The following UBR4 variants were observed in gnomAD, a reference collection of about 807,000 sequenced individuals.
UBR4 encodes the protein E3 ubiquitin-protein ligase UBR4.
UBR4 carries 124 observed loss-of-function variants against 575.6 expected under a neutral mutation model. The ratio of observed to expected loss-of-function variants is 0.22; its 90% CI spans 0.19 to 0.25. The LOEUF is 0.25. Among genes scored for constraint, UBR4 ranks in the 10% least tolerant of loss-of-function variants. The pLI, the probability that UBR4 is intolerant of heterozygous loss-of-function variation, is 1.00. For missense variants in UBR4, 4,818 were observed against 6,478.8 expected (o/e 0.74, Z 8.80); for synonymous variants, 2,455 against 2,473.7 (o/e 0.99, Z 0.22).
intron 11 of UBR4, among the ~76,000 whole-genome samples, chr1:19,188,541 G>A (rs1185624295): frequency 6.6e-6 from 1 of 152,236 alleles, no homozygotes; most frequent in East Asian, 1.9e-4. Flanking sequence ...GCGATAGAGT[G>A]AGGTTTTGTT....
chr1:19,157,030 T>C lies in UBR4; in HGVS notation c.5761-105A>G. 1 of 1,314,030 alleles carries C rather than the reference T, an allele frequency of 7.6e-7. No individual in the cohort carries two copies. Among genetic ancestry groups the C allele is most frequent in the Non-Finnish European group, 1.0e-6 (1 of 971,500 alleles). 81.4% of individuals were successfully genotyped at this position (1,314,030 alleles called of 1,614,324 possible). ...ATAGGGATAACAGGTTGCACACTTT[T>C]TTCTTTACAGATAAGTCTAGTAGAA... On this transcript the variant is annotated intron_variant, in intron 40 of 105. Coordinates refer to ENST00000375254, the MANE Select transcript of UBR4 (RefSeq NM_020765.3). The surrounding 1 kb of genome is among the most constrained non-coding windows in gnomAD (Gnocchi z 4.4).
At chr1:19,143,917 G>C in intron 55 of UBR4, 63 bp downstream of exon 55, 1 of 1,487,490 alleles carries the variant, frequency 6.7e-7, no homozygotes, top group Non-Finnish European at 9.4e-7. Context: ...CAATGCTACT[G>C]TACCTCCCTC....
At position 19,169,524 on chromosome 1, in the gene UBR4, G is replaced by C. The variant is rs199864764; in HGVS notation, c.3652C>G (p.Leu1218Val). 1.9e-6 allele frequency: 3 copies of C among 1,613,376 alleles called. No homozygotes were observed. The highest frequency in any genetic ancestry group is 1.3e-5 in the African/African-American group (1 of 74,906). Residue 1218 changes from leucine to valine, a missense_variant, in exon 27 of 106, where the codon CTG becomes GTG. Physicochemically the swap from Leu to Val is conservative, Grantham distance 32 (BLOSUM62 1). This residue lies in a region of UBR4 where 1,172 missense variants were observed against 1,259.7 expected (regional missense o/e 0.93). Coordinates refer to ENST00000375254, the MANE Select transcript of UBR4 (RefSeq NM_020765.3). Reference sequence around the variant, plus strand: ...ACTGACGATGGCAAATTCTGAACCAGTGTCGGACCTGGAGGCGACAGAAAG... The same window carrying C: ...ACTGACGATGGCAAATTCTGAACCACTGTCGGACCTGGAGGCGACAGAAAG... Reference protein sequence around the residue: ...RCKANTLGPTLVQNLPSSVQT... With the variant: ...RCKANTLGPTVVQNLPSSVQT...
intron 91 of UBR4, 32 bp from the exon 92 acceptor site, chr1:19,096,682 AG>A: frequency 6.2e-7 from 1 of 1,612,074 alleles, no homozygotes; most frequent in Non-Finnish European, 8.5e-7. Flanking sequence ...GCAGAAATGG[AG>A]GGTAAGGTGA....
At chr1:19,119,789 C>T in intron 69 of UBR4, 88 bp from the exon 70 acceptor site, 1 of 1,493,220 alleles carries the variant, frequency 6.7e-7, no homozygotes. Flanking sequence ...ACCTCAATTT[C>T]CCCACAATTA....
chr1:19,115,680 C>T (rs761205318), intron 73 of UBR4, 43 bp from the exon 74 acceptor site: 3 of 1,605,924 alleles, frequency 1.9e-6, no homozygotes, highest in Non-Finnish European at 1.7e-6. Context: ...ATCTAACCCT[C>T]AGTGATAACA....
intron 26 of UBR4, among the ~76,000 whole-genome samples, 198 bp from the exon 27 acceptor site, chr1:19,169,730 A>T (rs2089198034): frequency 6.6e-6 from 1 of 152,218 alleles, no homozygotes; most frequent in Admixed American, 6.5e-5. Context: ...TAACACTCTC[A>T]ATTGTAAGGT....
At chr1:19,203,049 C>G (rs980925483) in intron 1 of UBR4, among the ~76,000 whole-genome samples, 6 of 151,856 alleles carry the variant, frequency 4.0e-5, no homozygotes, top group Admixed American at 3.9e-4. Flanking sequence ...CCACTGCACT[C>G]CAGCCTGGGT....
intron 55 of UBR4, 103 bp from the exon 56 acceptor site, chr1:19,141,880 C>A: frequency 6.6e-7 from 1 of 1,523,218 alleles, no homozygotes; most frequent in Non-Finnish European, 8.8e-7. Flanking sequence ...AAGCTACCAG[C>A]TAGCACCCTG....
chr1:19,179,458 G>A (rs1040365255), intron 17 of UBR4, among the ~76,000 whole-genome samples: 7 of 152,176 alleles, frequency 4.6e-5, no homozygotes, highest in East Asian at 3.8e-4. Flanking sequence ...GTTAATGAGT[G>A]TCAGATATGG....
chr1:19,110,084 T>G lies in UBR4; in HGVS notation c.12105+12A>C. 1 of 1,613,912 alleles carries G rather than the reference T, an allele frequency of 6.2e-7. No homozygotes were observed. Among genetic ancestry groups the G allele is most frequent in the Non-Finnish European group, 8.5e-7 (1 of 1,179,988 alleles). Reference sequence around the variant, plus strand: ...CTGCCCTTCCTTGTTAGACCCCTGCTTGGCCCAGTACCTTGTTCTTCTTGC... The same window carrying G: ...CTGCCCTTCCTTGTTAGACCCCTGCGTGGCCCAGTACCTTGTTCTTCTTGC... On this transcript the variant is annotated intron_variant, in intron 81 of 105. Transcript: ENST00000375254. This position sits in a 1 kb window ranked among gnomAD's most constrained non-coding sequence, Gnocchi z 4.5.
intron 2 of UBR4, 130 bp from the exon 3 acceptor site, chr1:19,199,884 AG>A (rs1571797804): frequency 5.2e-6 from 4 of 774,466 alleles, no homozygotes; most frequent in Non-Finnish European, 6.3e-6. Context: ...CAAAAACCCA[AG>A]GGGTAAACAA....
At chr1:19,196,017 CAA>C (rs879493036) in intron 8 of UBR4, among the ~76,000 whole-genome samples, 30 of 134,474 alleles carry the variant, frequency 2.2e-4, no homozygotes, top group African/African-American at 8.4e-4. Context: ...CACACACACA[CAA>C]ACTTACGTAG....
chr1:19,152,509 T>G lies in UBR4; in HGVS notation c.6833-33A>C. On this transcript the variant is annotated intron_variant, in intron 46 of 105. Transcript: ENST00000375254. The surrounding 1 kb of genome is among the most constrained non-coding windows in gnomAD (Gnocchi z 4.4). Reference sequence around the variant, plus strand: ...GAACGGTACCAGATCGTCAAGAGTCTCTCCCACCTCTGCCCCAACACCACT... The same window carrying G: ...GAACGGTACCAGATCGTCAAGAGTCGCTCCCACCTCTGCCCCAACACCACT... 1 of 1,611,620 alleles carries G rather than the reference T, an allele frequency of 6.2e-7. No homozygotes were observed. The highest frequency in any genetic ancestry group is 8.5e-7 in the Non-Finnish European group (1 of 1,179,064).
At chr1:19,120,103 C>A in intron 69 of UBR4, 77 bp downstream of exon 69, 1 of 1,538,654 alleles carries the variant, frequency 6.5e-7, no homozygotes, top group African/African-American at 1.4e-5. Flanking sequence ...CATATGTAAC[C>A]GAAAACAAAA....
Position 19,106,700 on chromosome 1 carries a change from T to C in UBR4, c.12262A>G (p.Ser4088Gly). 3 of 1,604,172 alleles carry C rather than the reference T, an allele frequency of 1.9e-6. No individual in the cohort carries two copies. Among genetic ancestry groups the C allele is most frequent in the Non-Finnish European group, 1.7e-6 (2 of 1,174,500 alleles). Residue 4088 changes from serine (S) to glycine (G), a missense_variant, in exon 83 of 106, where the codon AGC (serine) becomes GGC (glycine). Ser to Gly is a moderately conservative substitution (Grantham distance 56). This residue lies in a region of UBR4 where 178 missense variants were observed against 175.5 expected (regional missense o/e 1.01). Coordinates refer to ENST00000375254, the MANE Select transcript of UBR4 (RefSeq NM_020765.3). ...RGIDGNGKAP[S>G]KSELRHLYLT... ...TAGAGATGGCGGAGCTCTGATTTGC[T>C]GGGGGCTTTCCCATTGCCATCTATC...
In UBR4 at chr1:19,117,251, G is replaced by A. The variant is rs1189938706; in HGVS notation, c.10793C>T (p.Thr3598Ile). Residue 3598 changes from threonine (T) to isoleucine (I), a missense_variant, in exon 73 of 106, where the codon ACC (threonine) becomes ATC (isoleucine). By Grantham distance (89) the Thr-to-Ile change is moderately conservative. This residue lies in a region of UBR4 where 550 missense variants were observed against 791.5 expected (regional missense o/e 0.69). Transcript: ENST00000375254. The surrounding 1 kb of genome is among the most constrained non-coding windows in gnomAD (Gnocchi z 4.0). The stretch of plus-strand genomic sequence containing the variant: ...TTTCAACTCCACGATGGCCTGCACG[G>A]TTCGGTTGTTATAATACAGGTTGAT... ...RTINLYYNNR[T>I]VQAIVELKNK... 1 of 1,613,978 alleles carries A rather than the reference G, an allele frequency of 6.2e-7. No individual in the cohort carries two copies. The highest frequency in any genetic ancestry group is 8.5e-7 in the Non-Finnish European group (1 of 1,180,016).
chr1:19,091,950 G>A (rs2077553497), intron 97 of UBR4, among the ~76,000 whole-genome samples: 1 of 151,330 alleles, frequency 6.6e-6, no homozygotes, highest in Non-Finnish European at 1.5e-5. Context: ...AACAAACCTG[G>A]ATGAAACTCC....
intron 11 of UBR4, among the ~76,000 whole-genome samples, chr1:19,190,907 T>TCTCTC (rs1211134918): frequency 2.6e-5 from 4 of 152,154 alleles, no homozygotes; most frequent in Non-Finnish European, 4.4e-5. Flanking sequence ...CCTTGTTTAA[T>TCTCTC]CCTTCTAACA....
Sources: gnomAD v4.1 joint callset for allele counts (sites outside exome capture counted in the v4.1 genomes callset) on GRCh38, gnomAD v4.1.1 for gene constraint, gnomAD v4.1.1 regional missense constraint, Gnocchi (gnomAD v3.1) non-coding constraint, MANE v1.5 for transcripts, NCBI Gene and HGNC (gene_info 2026-07-23, HGNC 2026-07-21) for gene names.